The following ZNF614 variants were observed in gnomAD, a reference collection of about 807,000 sequenced individuals.
ZNF614 encodes zinc finger protein 614.
A neutral mutation model predicts 12.8 loss-of-function variants in ZNF614; 11 were observed. The observed-to-expected ratio is 0.86, with a 90% CI of 0.54 to 1.43. The LOEUF is 1.43. ZNF614 is among the 40% of genes most tolerant of loss of function. The probability of loss-of-function intolerance (pLI) is 0.00; values close to 1 mark genes in which losing one functional copy is unlikely to be tolerated. For missense variants in ZNF614, 664 were observed against 708.8 expected, an observed-to-expected ratio of 0.94 and a Z score of 0.72; for synonymous variants, 237 against 237.5, an observed-to-expected ratio of 1.00 and a Z score of 0.02.
At position 52,015,125 on chromosome 19, in the gene ZNF614, G is replaced by A. The variant is rs2086888244; in HGVS notation, c.*715C>T. ...ATGCACACCAGGTGTATTAGCTGATGTTTAAGGTTATACTTATTAAGAAAA... is the reference window on the plus strand; with the variant it reads ...ATGCACACCAGGTGTATTAGCTGATATTTAAGGTTATACTTATTAAGAAAA... On this transcript the variant is annotated 3_prime_UTR_variant, in exon 5 of 5. Coordinates refer to ENST00000270649, the MANE Select transcript of ZNF614 (RefSeq NM_025040.4). 1 of 152,166 alleles carries A rather than the reference G, an allele frequency of 6.6e-6. No homozygotes were observed. Among genetic ancestry groups the A allele is most frequent in the Admixed American group, 6.5e-5 (1 of 15,270 alleles). The allele number at this position is 152,166 out of a possible 1,614,324, so 9.4% of individuals were successfully genotyped here.
rs373478567 is a variant in ZNF614 at position 52,016,594 on chromosome 19, C to T, written c.1004G>A (p.Arg335Gln). The T allele has an allele frequency of 8.7e-6, 14 of 1,614,012 alleles. No homozygotes were observed. The highest frequency in any genetic ancestry group is 1.7e-5 in the Admixed American group (1 of 60,002). Residue 335 changes from arginine (R) to glutamine (Q), a missense_variant, in exon 5 of 5, where the codon CGA (arginine) becomes CAA (glutamine). Physicochemically the swap from Arg to Gln is conservative, Grantham distance 43. Transcript: ENST00000270649. ...ATAGGGTTTCTCCCCTGTATGAGTT[C>T]GCTGATGTACAATGAGATTGCTCTT... is the stretch of plus-strand genomic sequence containing the variant. ...TVKSNLIVHQRTHTGEKPYIC... is the reference protein window; with the variant it reads ...TVKSNLIVHQQTHTGEKPYIC...
At chr19:52,021,579 A>G (rs2086933299) in intron 2 of ZNF614, among the ~76,000 whole-genome samples, 1 of 152,186 alleles carries the variant, frequency 6.6e-6, no homozygotes, top group Admixed American at 6.5e-5. Flanking sequence ...TCTATTCTCT[A>G]CAAAGAACAA....
At chr19:52,021,989 C>T (rs75722407) in intron 2 of ZNF614, among the ~76,000 whole-genome samples, 22,660 of 151,928 alleles carry the variant, frequency 0.15, 2,217 homozygotes, top group East Asian at 0.38. Context: ...TCCAAAGAAA[C>T]AACAAAGAGA....
chr19:52,022,203 A>G (rs2086936571), intron 2 of ZNF614, among the ~76,000 whole-genome samples: 1 of 152,224 alleles, frequency 6.6e-6, no homozygotes, highest in African/African-American at 2.4e-5. Flanking sequence ...GATGTCCAAC[A>G]ATTCAATTCA....
chr19:52,015,819 A>T lies in ZNF614; in HGVS notation c.*21T>A. 2 of 1,579,884 alleles carry T rather than the reference A, an allele frequency of 1.3e-6. No individual in the cohort carries two copies. Among genetic ancestry groups the T allele is most frequent in the Non-Finnish European group, 1.7e-6 (2 of 1,163,868 alleles). On this transcript the variant is annotated 3_prime_UTR_variant, in exon 5 of 5. Coordinates refer to ENST00000270649, the MANE Select transcript of ZNF614 (RefSeq NM_025040.4). ...GCATTTCCATAGTCACGGCACTAGT[A>T]GGGTTTTCTTCTGCATGAGTTCACT...
At chr19:52,025,290 C>CAAGGG (rs2086963729) in intron 2 of ZNF614, among the ~76,000 whole-genome samples, 1 of 152,050 alleles carries the variant, frequency 6.6e-6, no homozygotes, top group Admixed American at 6.6e-5. Context: ...GAACTACCAA[C>CAAGGG]AAAGCATGGA....
Position 52,015,997 on chromosome 19 carries a change from G to A in ZNF614, c.1601C>T (p.Thr534Ile), listed in dbSNP as rs746059952. Residue 534 changes from threonine (T) to isoleucine (I), a missense_variant, in exon 5 of 5, where the codon ACA becomes ATA. By Grantham distance (89) the Thr-to-Ile change is moderately conservative (BLOSUM62 -1). Transcript: ENST00000270649. ...ACTGCATCCATACGGCCTCTCTCCT[G>A]TATGCGTTCTTTGATGTACATTGAG... ...SVLNVHQRTHTGERPYGCSDC... is the reference protein window; with the variant it reads ...SVLNVHQRTHIGERPYGCSDC... 9.9e-6 allele frequency: 16 copies of A among 1,614,214 alleles called. No individual in the cohort carries two copies. In the East Asian group the frequency reaches 3.1e-4, roughly 31 times the overall value.
chr19:52,017,082 A>G lies in ZNF614; in HGVS notation c.516T>C (p.Arg172=). Residue 172 remains arginine, a synonymous_variant, in exon 5 of 5, where the codon CGT becomes CGC. Coordinates refer to ENST00000270649, the MANE Select transcript of ZNF614 (RefSeq NM_025040.4). ...EKTLLHGKHE[R]THTKTRFSEN... ...CAGAAAATCTAGTTTTAGTATGCGT[A>G]CGTTCATGCTTACCATGTAGAAGTG... 1 of 1,614,216 alleles carries G rather than the reference A, an allele frequency of 6.2e-7. No homozygotes were observed. Among genetic ancestry groups the G allele is most frequent in the Non-Finnish European group, 8.5e-7 (1 of 1,180,034 alleles).
At chr19:52,022,510 G>C (rs535366644) in intron 2 of ZNF614, among the ~76,000 whole-genome samples, 2 of 151,582 alleles carry the variant, frequency 1.3e-5, no homozygotes, top group African/African-American at 4.8e-5. Context: ...CCTTGTGTGT[G>C]ATCTTTCTGC....
Position 52,015,833 on chromosome 19 carries a change from C to T in ZNF614, c.*7G>A. On this transcript the variant is annotated 3_prime_UTR_variant, in exon 5 of 5. Transcript: ENST00000270649. The stretch of plus-strand genomic sequence containing the variant: ...ACGGCACTAGTAGGGTTTTCTTCTG[C>T]ATGAGTTCACTTATAAGGAAGGAGC... 6.3e-7 allele frequency: 1 copy of T among 1,595,070 alleles called. No individual in the cohort carries two copies.
rs200147759 is a variant in ZNF614 at position 52,015,846 on chromosome 19, A to G, written c.1752T>C (p.Tyr584=). 1.1e-4 allele frequency: 180 copies of G among 1,606,390 alleles called. No individual in the cohort carries two copies. Among genetic ancestry groups the G allele is most frequent in the Non-Finnish European group, 1.7e-5 (20 of 1,176,292 alleles). Residue 584 remains tyrosine (Y), a synonymous_variant, in exon 5 of 5, where the codon TAT becomes TAC. Coordinates refer to ENST00000270649, the MANE Select transcript of ZNF614 (RefSeq NM_025040.4). ...SCNGESQLLP[Y]K ...GGTTTTCTTCTGCATGAGTTCACTTATAAGGAAGGAGCTGTGACTCTCCAT... is the reference window on the plus strand; with the variant it reads ...GGTTTTCTTCTGCATGAGTTCACTTGTAAGGAAGGAGCTGTGACTCTCCAT...
rs773796603 is a variant in ZNF614, at chr19:52,018,016, T to G, written c.230A>C (p.Asn77Thr). The change falls in exon 4 of 5, where the codon AAT (asparagine) becomes ACT (threonine). Residue 77 changes from asparagine (N) to threonine (T), a missense_variant. Asn to Thr is a moderately conservative substitution (Grantham distance 65). Coordinates refer to ENST00000270649, the MANE Select transcript of ZNF614 (RefSeq NM_025040.4). ...TGCTGGTTCTCACTTACCTGGACAA[T>G]TTTTATTCTGAATTTTAGCATCTGT... ...WTTDAKIQNK[N>T]CPGIGKVDSH... 1.2e-6 allele frequency: 2 copies of G among 1,613,684 alleles called. No homozygotes were observed. The highest frequency in any genetic ancestry group is 1.1e-5 in the South Asian group (1 of 91,050).
rs2086892738 is a variant in ZNF614, at chr19:52,015,880, T to A, written c.1718A>T (p.Asn573Ile). The A allele has an allele frequency of 1.2e-6, 2 of 1,613,636 alleles. No homozygotes were observed. Among genetic ancestry groups the A allele is most frequent in the East Asian group, 4.5e-5 (2 of 44,874 alleles). ...GAGCTGTGACTCTCCATTACAGGAG[T>A]TTTCAACTTGACTGATTCTACCCAT... ...REMGRISQVENSCNGESQLLP... is the reference protein window; with the variant it reads ...REMGRISQVEISCNGESQLLP... The change falls in exon 5 of 5, where the codon AAC becomes ATC. Residue 573 changes from asparagine to isoleucine, a missense_variant. Physicochemically the swap from Asn to Ile is moderately radical, Grantham distance 149 (BLOSUM62 -3). Transcript: ENST00000270649.
intron 2 of ZNF614, among the ~76,000 whole-genome samples, chr19:52,019,264 T>C (rs1005004277): frequency 6.6e-6 from 1 of 151,884 alleles, no homozygotes; most frequent in African/African-American, 2.4e-5. Context: ...TAAGTGGAAA[T>C]GGCAGAAAAT....
intron 2 of ZNF614, among the ~76,000 whole-genome samples, chr19:52,019,828 G>A (rs796681986): frequency 1.4e-4 from 22 of 152,298 alleles, no homozygotes; most frequent in African/African-American, 5.3e-4. Context: ...GAACTGCAGA[G>A]TGTGAAGTAG....
rs1465873614 is a variant in ZNF614, at chr19:52,025,782, C to T, written c.-37G>A. The T allele has an allele frequency of 1.2e-6, 2 of 1,610,234 alleles. No individual in the cohort carries two copies. The highest frequency in any genetic ancestry group is 2.2e-5 in the East Asian group (1 of 44,844). On this transcript the variant is annotated 5_prime_UTR_variant, in exon 2 of 5. Coordinates refer to ENST00000270649, the MANE Select transcript of ZNF614 (RefSeq NM_025040.4). The stretch of plus-strand genomic sequence containing the variant: ...CTCAGAAAATAGTGGATAACATGGA[C>T]TATACGTCTTTGTCTCTTCTGCATT...
chr19:52,027,052 T>C (rs952736985), intron 1 of ZNF614, among the ~76,000 whole-genome samples: 2 of 152,162 alleles, frequency 1.3e-5, no homozygotes, highest in African/African-American at 2.4e-5. Context: ...GTATGCTGAG[T>C]GCTGGTCTCC....
In ZNF614 at chr19:52,023,010, C is replaced by T. The variant is rs560764096; in HGVS notation, c.15+2721G>A. On this transcript the variant is annotated intron_variant, in intron 2 of 4. Transcript: ENST00000270649. Reference sequence around the variant, plus strand: ...CAGGAGAATGGCATGAATCCGGAGGCGGAGCTTGCAGTGAGCCAAGATCAT... The same window carrying T: ...CAGGAGAATGGCATGAATCCGGAGGTGGAGCTTGCAGTGAGCCAAGATCAT... Among the ~76,000 whole-genome samples the T allele has an allele frequency of 6.5e-5, 9 of 139,456 alleles. No homozygotes were observed. The South Asian group carries it at 7.2e-4, about 11-fold the overall frequency. The allele number at this position is 139,456 out of a possible 152,430, so 91.5% of individuals were successfully genotyped here. A position where few individuals can be genotyped will look rare whatever the true frequency, so the allele number is the denominator to read the frequency against.
intron 2 of ZNF614, among the ~76,000 whole-genome samples, chr19:52,025,036 G>A (rs1000049430): frequency 2.4e-4 from 37 of 152,196 alleles, no homozygotes; most frequent in Admixed American, 1.8e-3. Context: ...GTGAACCTGG[G>A]AGGCAGAGCT....
Sources: gnomAD v4.1 joint callset for allele counts (sites outside exome capture counted in the v4.1 genomes callset) on GRCh38, gnomAD v4.1.1 for gene constraint, MANE v1.5 for transcripts, NCBI Gene and HGNC (gene_info 2026-07-23, HGNC 2026-07-21) for gene names.